FAM219A: variants seen among roughly 807,000 people sequenced by gnomAD.
FAM219A encodes the protein family with sequence similarity 219 member A, also known as protein FAM219A.
Under a neutral mutation model 23.4 loss-of-function variants are expected in FAM219A, and 7 were observed. That is an observed-to-expected ratio of 0.30 (90% confidence interval 0.17 to 0.56). The LOEUF is 0.56. FAM219A is among the 20% of genes least tolerant of loss of function. The pLI is 0.92. For synonymous variants in FAM219A, 93 were observed against 99.0 expected, an observed-to-expected ratio of 0.94 and a Z score of 0.36; for missense variants, 166 against 246.9, an observed-to-expected ratio of 0.67 and a Z score of 2.20.
intron 5 of FAM219A, 130 bp from the exon 6 acceptor site, chr9:34,401,252 G>T (rs1299925795): frequency 1.7e-6 from 2 of 1,180,734 alleles, no homozygotes; most frequent in East Asian, 2.4e-5. Flanking sequence ...CCTGTCCCGG[G>T]TCTGTCTGTA....
rs2132029645 is a variant in FAM219A, at chr9:34,457,209, C to T, written c.60+995G>A. On this transcript the variant is annotated intron_variant, in intron 1 of 5. Coordinates refer to ENST00000651358, the MANE Select transcript of FAM219A (RefSeq NM_001184940.2). This position sits in a 1 kb window ranked among gnomAD's most constrained non-coding sequence, Gnocchi z 5.1. The stretch of plus-strand genomic sequence containing the variant: ...ATAAAGCGAACACAGCCTAGACATT[C>T]CCTCTCTTCCCCCCTCACTATACGA... 6.6e-6 allele frequency among the ~76,000 whole-genome samples: 1 copy of T among 152,348 alleles called. No individual in the cohort carries two copies. The highest frequency in any genetic ancestry group is 2.4e-5 in the African/African-American group (1 of 41,588).
At chr9:34,433,589 ACTC>A (rs1326618165) in intron 1 of FAM219A, among the ~76,000 whole-genome samples, 2 of 151,246 alleles carry the variant, frequency 1.3e-5, no homozygotes, top group South Asian at 2.1e-4. Flanking sequence ...CCACTTAAAA[ACTC>A]CTCAACCTGA....
At position 34,432,583 on chromosome 9, in the gene FAM219A, T is replaced by C. The variant is rs201046662; in HGVS notation, c.60+25621A>G. ...TTTCCCAGTGGTCAGTGATTCTCTT[T>C]CCACATGTTCTCTCTTCGCATCTCA... On this transcript the variant is annotated intron_variant, in intron 1 of 5. Coordinates refer to ENST00000651358, the MANE Select transcript of FAM219A (RefSeq NM_001184940.2). 3.9e-5 allele frequency among the ~76,000 whole-genome samples: 6 copies of C among 152,288 alleles called. No individual in the cohort carries two copies. In the East Asian group the frequency reaches 1.2e-3, roughly 29 times the overall value.
chr9:34,456,205 A>G (rs1284051281), intron 1 of FAM219A, among the ~76,000 whole-genome samples: 5 of 152,176 alleles, frequency 3.3e-5, no homozygotes, highest in Non-Finnish European at 5.9e-5. Context: ...AAAAAAAGAA[A>G]AAAAAGTATT....
chr9:34,420,365 GC>G (rs1485723580), intron 1 of FAM219A, among the ~76,000 whole-genome samples: 1 of 152,228 alleles, frequency 6.6e-6, no homozygotes, highest in African/African-American at 2.4e-5. Flanking sequence ...CTGGGCAGGA[GC>G]CAGGTTAAAG....
In FAM219A at chr9:34,417,611, A is replaced by G. The variant is rs1164705402; in HGVS notation, c.61-11647T>C. Among the ~76,000 whole-genome samples, 4 of 152,222 alleles carry G rather than the reference A, an allele frequency of 2.6e-5. No homozygotes were observed. Among genetic ancestry groups the G allele is most frequent in the Admixed American group, 1.3e-4 (2 of 15,282 alleles). On this transcript the variant is annotated intron_variant, in intron 1 of 5. Transcript: ENST00000651358. This position sits in a 1 kb window ranked among gnomAD's most constrained non-coding sequence, Gnocchi z 4.1. ...ATAGATATTGCCAAAATGCTTTCCC[A>G]AAGGATTGTTCCAATTTACAATGCC...
At chr9:34,429,332 C>A (rs1252292878) in intron 1 of FAM219A, among the ~76,000 whole-genome samples, 1 of 152,174 alleles carries the variant, frequency 6.6e-6, no homozygotes, top group Admixed American at 6.5e-5. Context: ...GGGCCTTGCA[C>A]AAATTCAGAG....
chr9:34,411,014 T>C (rs1332128373), intron 1 of FAM219A, among the ~76,000 whole-genome samples: 2 of 152,200 alleles, frequency 1.3e-5, no homozygotes, highest in Non-Finnish European at 2.9e-5. Context: ...TTAGTATAGG[T>C]TCAGTGAGGC....
At chr9:34,421,041 A>AGAGAGAGAGG (rs1243922689) in intron 1 of FAM219A, among the ~76,000 whole-genome samples, 3 of 150,198 alleles carry the variant, frequency 2.0e-5, no homozygotes, top group African/African-American at 7.3e-5. Context: ...AGAGAGAGAG[A>AGAGAGAGAGG]GAGAATGGCT....
At chr9:34,418,521 C>T (rs1822122194) in intron 1 of FAM219A, among the ~76,000 whole-genome samples, 1 of 152,226 alleles carries the variant, frequency 6.6e-6, no homozygotes, top group African/African-American at 2.4e-5. Flanking sequence ...GTGGAGAAGG[C>T]TTACTTCCTT....
rs1446294693 is a variant in FAM219A, at chr9:34,413,286, A to G, written c.61-7322T>C. Among the ~76,000 whole-genome samples the G allele has an allele frequency of 3.9e-5, 6 of 152,276 alleles. 1 individual carries two copies. In the East Asian group the frequency reaches 7.7e-4, roughly 20 times the overall value. On this transcript the variant is annotated intron_variant, in intron 1 of 5. Transcript: ENST00000651358. ...AAAAAACTCATTAGTAAAAGGAAAAAGGTGAACACTAAGGGGTTGGGAAAA... is the reference window on the plus strand; with the variant it reads ...AAAAAACTCATTAGTAAAAGGAAAAGGGTGAACACTAAGGGGTTGGGAAAA...
intron 1 of FAM219A, among the ~76,000 whole-genome samples, chr9:34,432,034 T>C (rs372770768): frequency 6.6e-6 from 1 of 152,234 alleles, no homozygotes; most frequent in Non-Finnish European, 1.5e-5. Flanking sequence ...CAGTGTTTCA[T>C]CTTTAGCATG....
chr9:34,450,278 A>C (rs1459365888), intron 1 of FAM219A, among the ~76,000 whole-genome samples: 1 of 148,990 alleles, frequency 6.7e-6, no homozygotes. Context: ...AAGCCACTGT[A>C]CTCCAGCCTC....
chr9:34,430,781 G>A (rs1006317067), intron 1 of FAM219A, among the ~76,000 whole-genome samples: 8 of 152,042 alleles, frequency 5.3e-5, no homozygotes, highest in Non-Finnish European at 1.0e-4. Context: ...GGTGGAAGCT[G>A]TAGTGAGCAG....
intron 1 of FAM219A, among the ~76,000 whole-genome samples, chr9:34,412,918 G>A (rs16931518): frequency 0.024 from 3,721 of 152,246 alleles, 157 homozygotes; most frequent in African/African-American, 0.084. Flanking sequence ...ACCACAGGCC[G>A]TTCTTTAAAA....
chr9:34,452,227 A>AG (rs1380929184), intron 1 of FAM219A, among the ~76,000 whole-genome samples: 2 of 152,156 alleles, frequency 1.3e-5, no homozygotes, highest in Non-Finnish European at 2.9e-5. Context: ...TTTGAGGCAG[A>AG]GGGGGGACAA....
chr9:34,445,341 G>A (rs947828326), intron 1 of FAM219A, among the ~76,000 whole-genome samples: 2 of 152,206 alleles, frequency 1.3e-5, no homozygotes, highest in East Asian at 3.8e-4. Flanking sequence ...ACATTAAAGT[G>A]GACACCCTAA....
chr9:34,435,543 T>A (rs546892898), intron 1 of FAM219A, among the ~76,000 whole-genome samples: 1 of 152,344 alleles, frequency 6.6e-6, no homozygotes, highest in Non-Finnish European at 1.5e-5. Flanking sequence ...GCCAGTTTAT[T>A]TTATACTTCC....
rs1821342601 is a variant in FAM219A at position 34,399,416 on chromosome 9, A to T, written c.*1548T>A. On this transcript the variant is annotated 3_prime_UTR_variant, in exon 6 of 6. Coordinates refer to ENST00000651358, the MANE Select transcript of FAM219A (RefSeq NM_001184940.2). ...CCAGCAATAGCAGAAGCAGCTGTAT[A>T]CACATCTTGATCTACAGACACCCTA... is the stretch of plus-strand genomic sequence containing the variant. 1 of 152,238 alleles carries T rather than the reference A, an allele frequency of 6.6e-6. No individual in the cohort carries two copies. The highest frequency in any genetic ancestry group is 1.5e-5 in the Non-Finnish European group (1 of 68,126). 9.4% of individuals were successfully genotyped at this position (152,238 alleles called of 1,614,324 possible).
Sources: gnomAD v4.1 joint callset for allele counts (sites outside exome capture counted in the v4.1 genomes callset) on GRCh38, gnomAD v4.1.1 for gene constraint, Gnocchi (gnomAD v3.1) non-coding constraint, MANE v1.5 for transcripts, NCBI Gene and HGNC (gene_info 2026-07-23, HGNC 2026-07-21) for gene names.